Variants in RGS13 observed in about 807,000 individuals in gnomAD.
RGS13 encodes the protein regulator of G protein signaling 13.
Under a neutral mutation model 19.9 loss-of-function variants are expected in RGS13, and 14 were observed. The observed-to-expected ratio is 0.70, with a 90% CI of 0.46 to 1.10. RGS13 has a LOEUF of 1.10. Ranked by LOEUF, RGS13 falls within the 50% of genes least tolerant of loss-of-function variation. The pLI is 0.00. For missense variants in RGS13, 205 were observed against 187.1 expected (o/e 1.10, Z -0.56); for synonymous variants, 60 against 56.8 (o/e 1.06, Z -0.25).
In RGS13 at chr1:192,646,940, T is replaced by C. The variant is rs572451227; in HGVS notation, c.66-986T>C. The C allele has an allele frequency of 2.6e-5, 4 of 152,174 alleles. No homozygotes were observed. The South Asian group carries it at 8.3e-4, about 32-fold the overall frequency. 9.4% of individuals were successfully genotyped at this position (152,174 alleles called of 1,614,324 possible). A position where few individuals can be genotyped will look rare whatever the true frequency, so the allele number is the denominator to read the frequency against. On this transcript the variant is annotated intron_variant, in intron 4 of 6. Coordinates refer to ENST00000391995, the MANE Select transcript of RGS13 (RefSeq NM_002927.5). ...ATGAAGCTCACCAAAATGAACAGAG[T>C]TCTGGAATCTTTCACAACTATTTTC... is the stretch of plus-strand genomic sequence containing the variant.
intron 5 of RGS13, among the ~76,000 whole-genome samples, chr1:192,657,139 C>A (rs905655783): frequency 1.4e-4 from 22 of 151,966 alleles, no homozygotes; most frequent in African/African-American, 4.3e-4. Flanking sequence ...AAATTATGTA[C>A]ATCTTTTTGT....
intron 5 of RGS13, among the ~76,000 whole-genome samples, chr1:192,648,561 C>T (rs949065062): frequency 7.9e-5 from 12 of 151,926 alleles, no homozygotes; most frequent in African/African-American, 2.2e-4. Context: ...TAGTCAATTG[C>T]GTTTGGGGTC....
At chr1:192,658,147 T>G (rs1663477653) in intron 5 of RGS13, 54 bp from the exon 6 acceptor site, 1 of 1,370,498 alleles carries the variant, frequency 7.3e-7, no homozygotes. Context: ...ATTGCTTAGA[T>G]TTTTTTGGTG....
chr1:192,647,804 C>A, intron 4 of RGS13, 122 bp from the exon 5 acceptor site: 1 of 475,488 alleles, frequency 2.1e-6, no homozygotes, highest in Admixed American at 3.3e-5. Context: ...CCAACCAAAG[C>A]CACACACAAA....
chr1:192,644,651 T>TA (rs1259822996), intron 4 of RGS13: 2 of 324,232 alleles, frequency 6.2e-6, no homozygotes, highest in Admixed American at 4.9e-5. Flanking sequence ...CTGTTCTTTT[T>TA]AAAAAACAAA....
At chr1:192,655,102 G>C (rs536165952) in intron 5 of RGS13, among the ~76,000 whole-genome samples, 16 of 152,168 alleles carry the variant, frequency 1.1e-4, no homozygotes, top group Non-Finnish European at 1.6e-4. Context: ...ATTCTAAAGA[G>C]AGCAATTCAG....
At chr1:192,643,073 C>T (rs996017505) in intron 3 of RGS13, among the ~76,000 whole-genome samples, 2 of 151,658 alleles carry the variant, frequency 1.3e-5, no homozygotes, top group Non-Finnish European at 2.9e-5. Context: ...GTTGCCCAGG[C>T]TAGTCTAGAA....
Position 192,636,291 on chromosome 1 carries a change from T to C in RGS13, c.-142T>C, listed in dbSNP as rs552350738. On this transcript the variant is annotated 5_prime_UTR_variant, in exon 1 of 7. An upstream start codon of the reference 5' UTR is lost. Transcript: ENST00000391995. ...AACAAAGAGGAGATCAAATTTAGCA[T>C]GGTGGACTGCTCGACAGGATATATT... 6.6e-6 allele frequency: 1 copy of C among 152,072 alleles called. No homozygotes were observed. The highest frequency in any genetic ancestry group is 1.5e-5 in the Non-Finnish European group (1 of 67,972). The allele number at this position is 152,072 out of a possible 1,614,324, so 9.4% of individuals were successfully genotyped here.
chr1:192,647,753 T>C, intron 4 of RGS13, 173 bp from the exon 5 acceptor site: 1 of 304,030 alleles, frequency 3.3e-6, no homozygotes, highest in Non-Finnish European at 6.0e-6. Flanking sequence ...AAAATTTAAA[T>C]AGTAAAAATA....
intron 5 of RGS13, among the ~76,000 whole-genome samples, chr1:192,649,858 A>ATTGTAGC (rs1315130079): frequency 6.6e-6 from 1 of 152,118 alleles, no homozygotes; most frequent in African/African-American, 2.4e-5. Flanking sequence ...GTTAGTATTA[A>ATTGTAGC]CATTTATTCT....
chr1:192,653,974 G>A lies in RGS13; in HGVS notation c.128-4227G>A, dbSNP rs1663391164. Among the ~76,000 whole-genome samples the A allele has an allele frequency of 2.6e-5, 4 of 151,922 alleles. No individual in the cohort carries two copies. In the South Asian group the frequency reaches 6.2e-4, roughly 24 times the overall value. On this transcript the variant is annotated intron_variant, in intron 5 of 6. Transcript: ENST00000391995. ...TCATGGGGTGGGGGGAGCGGGGAGG[G>A]ATAGCATTAGGAGATATACCTAATG...
intron 6 of RGS13, 48 bp from the exon 7 acceptor site, chr1:192,659,290 T>G (rs755910787): frequency 6.8e-7 from 1 of 1,460,558 alleles, no homozygotes; most frequent in Non-Finnish European, 9.4e-7. Flanking sequence ...ATGTGCCTTT[T>G]TTTCAACTAT....
In RGS13 at chr1:192,658,230, A is replaced by C. The variant is rs1366652720; in HGVS notation, c.157A>C (p.Lys53Gln). Residue 53 changes from lysine to glutamine, a missense_variant, in exon 6 of 7, where the codon AAA (lysine) becomes CAA (glutamine). Physicochemically the swap from Lys to Gln is moderately conservative, Grantham distance 53. Coordinates refer to ENST00000391995, the MANE Select transcript of RGS13 (RefSeq NM_002927.5). ...TCCAGTAGTCTATGCAGCATATTTAAAAATGGAGCACAGTGACGAGAATAT... is the reference window on the plus strand; with the variant it reads ...TCCAGTAGTCTATGCAGCATATTTACAAATGGAGCACAGTGACGAGAATAT... ...YGPVVYAAYL[K>Q]MEHSDENIQF... 1.9e-6 allele frequency: 3 copies of C among 1,613,400 alleles called. No homozygotes were observed. Among genetic ancestry groups the C allele is most frequent in the South Asian group, 2.2e-5 (2 of 91,028 alleles).
intron 4 of RGS13, chr1:192,645,318 G>T (rs1394923737): frequency 1.3e-5 from 2 of 152,086 alleles, no homozygotes; most frequent in African/African-American, 4.8e-5. Flanking sequence ...TGAGAAAAGG[G>T]GAAGACCAGA....
At chr1:192,651,595 A>AAG (rs1328642615) in intron 5 of RGS13, among the ~76,000 whole-genome samples, 2 of 150,850 alleles carry the variant, frequency 1.3e-5, no homozygotes, top group African/African-American at 5.0e-5. Context: ...GCAAAGTAGG[A>AAG]ATGCAAAGTA....
chr1:192,658,609 T>TTCTC (rs1319327708), intron 6 of RGS13: 6 of 366,026 alleles, frequency 1.6e-5, no homozygotes, highest in African/African-American at 1.3e-4. Context: ...GCTCCAAAGC[T>TTCTC]TCTCCCCATT....
At chr1:192,647,130 G>A (rs1663237418) in intron 4 of RGS13, 1 of 152,110 alleles carries the variant, frequency 6.6e-6, no homozygotes, top group Admixed American at 6.6e-5. Flanking sequence ...ATGCAAATAG[G>A]TTTTGTGGAT....
In RGS13 at chr1:192,647,933, T is replaced by G. The variant is rs140641386; in HGVS notation, c.73T>G (p.Leu25Val). 32 of 1,594,882 alleles carry G rather than the reference T, an allele frequency of 2.0e-5. No homozygotes were observed. The Middle Eastern group carries it at 6.7e-4, about 33-fold the overall frequency. ...ESKRPPSNLT[L>V]EEVLQWAQSF... ...TTTTGTTTCTTTTCAAAGCCTTACT[T>G]TGGAGGAAGTATTACAGTGGGCCCA... Residue 25 changes from leucine (L) to valine (V), a missense_variant, in exon 5 of 7, where the codon TTG (leucine) becomes GTG (valine). Leu to Val is a conservative substitution (Grantham distance 32). Transcript: ENST00000391995.
At chr1:192,651,226 A>T (rs1198533549) in intron 5 of RGS13, among the ~76,000 whole-genome samples, 1 of 152,102 alleles carries the variant, frequency 6.6e-6, no homozygotes, top group Non-Finnish European at 1.5e-5. Flanking sequence ...ATTGTCAAAG[A>T]CTGCTGAGAA....
Sources: allele counts gnomAD v4.1 joint callset (sites outside exome capture counted in the v4.1 genomes callset), GRCh38; gene constraint gnomAD v4.1.1; transcripts MANE v1.5; gene names NCBI Gene and HGNC (gene_info 2026-07-23, HGNC 2026-07-21).